ZNF37A: variants seen among roughly 807,000 people sequenced by gnomAD.
ZNF37A encodes zinc finger protein 37A, also known as zinc finger protein 37a (KOX 21).
ZNF37A carries 10 observed loss-of-function variants against 12.3 expected under a neutral mutation model. The ratio of observed to expected loss-of-function variants is 0.82; its 90% CI spans 0.50 to 1.38. ZNF37A has a LOEUF of 1.38. Among genes scored for constraint, ZNF37A ranks in the 40% most tolerant of loss-of-function variants. ZNF37A has a pLI of 0.00. For missense variants in ZNF37A, 580 were observed against 651.2 expected, an observed-to-expected ratio of 0.89 and a Z score of 1.19; for synonymous variants, 207 against 223.0, an observed-to-expected ratio of 0.93 and a Z score of 0.64.
intron 5 of ZNF37A, among the ~76,000 whole-genome samples, chr10:38,112,112 A>G (rs1175252144): frequency 6.7e-6 from 1 of 150,312 alleles, no homozygotes; most frequent in East Asian, 2.0e-4. Flanking sequence ...CTGGAAGGCC[A>G]GGATTCAAAC....
At chr10:38,115,004 A>C (rs534347533) in intron 6 of ZNF37A, 123 bp downstream of exon 6, 1 of 1,374,808 alleles carries the variant, frequency 7.3e-7, no homozygotes, top group Non-Finnish European at 9.9e-7. Flanking sequence ...GTCAAGGACA[A>C]TTTATCCCTT....
At chr10:38,100,651 T>A (rs1355271950) in intron 5 of ZNF37A, among the ~76,000 whole-genome samples, 1 of 152,240 alleles carries the variant, frequency 6.6e-6, no homozygotes, top group Non-Finnish European at 1.5e-5. Flanking sequence ...CTGTTCTTTT[T>A]TCAAGGTGCC....
chr10:38,100,491 G>A (rs1341308907), intron 5 of ZNF37A, among the ~76,000 whole-genome samples: 1 of 152,188 alleles, frequency 6.6e-6, no homozygotes, highest in Non-Finnish European at 1.5e-5. Context: ...CTTGTATTCT[G>A]TTTCCCAGGG....
In ZNF37A at chr10:38,095,577, T is replaced by C. The variant is rs2067084002; in HGVS notation, c.-158T>C. The C allele has an allele frequency of 1.3e-5, 2 of 152,182 alleles. No homozygotes were observed. Among genetic ancestry groups the C allele is most frequent in the African/African-American group, 4.8e-5 (2 of 41,438 alleles). 9.4% of individuals were successfully genotyped at this position (152,182 alleles called of 1,614,324 possible). ...GCGCACTGCAGCACAACTAGAGATG[T>C]ACGGATGCCCCCATCTTGATCTTAC... On this transcript the variant is annotated 5_prime_UTR_variant, in exon 3 of 8. Transcript: ENST00000685332.
At chr10:38,105,962 A>G (rs1309965385) in intron 5 of ZNF37A, among the ~76,000 whole-genome samples, 1 of 134,460 alleles carries the variant, frequency 7.4e-6, no homozygotes, top group Non-Finnish European at 1.6e-5. Context: ...TTTCAATTTG[A>G]ATGTCTTTTA....
chr10:38,140,270 T>A lies in ZNF37A; in HGVS notation c.239-6462T>A, dbSNP rs1590949355. ...CCAAACTAACTTTGGAAAATGGTAA[T>A]TTGACTGCATAAGGTTTACACAAAC... On this transcript the variant is annotated intron_variant, in intron 7 of 7. Transcript: ENST00000638053. 2.6e-5 allele frequency: 4 copies of A among 152,360 alleles called. 1 individual carries two copies. The highest frequency in any genetic ancestry group is 2.6e-4 in the Admixed American group (4 of 15,298). 9.4% of individuals were successfully genotyped at this position (152,360 alleles called of 1,614,324 possible).
At chr10:38,109,530 A>G (rs2068451618) in intron 5 of ZNF37A, among the ~76,000 whole-genome samples, 1 of 152,206 alleles carries the variant, frequency 6.6e-6, no homozygotes, top group African/African-American at 2.4e-5. Flanking sequence ...GTATTCAGAT[A>G]GGAAAAGAGG....
At chr10:38,143,846 C>A (rs1474823061) in intron 7 of ZNF37A, 1 of 152,280 alleles carries the variant, frequency 6.6e-6, no homozygotes, top group Non-Finnish European at 1.5e-5. Flanking sequence ...AAGAAGTCCA[C>A]AAACAGGACT....
chr10:38,112,945 T>C (rs2135991556), intron 5 of ZNF37A, among the ~76,000 whole-genome samples: 1 of 151,950 alleles, frequency 6.6e-6, no homozygotes, highest in East Asian at 1.9e-4. Context: ...GTAGCTGGGA[T>C]TACAGGTGCC....
chr10:38,112,734 TCTTTTCTTTTCTTTTC>T lies in ZNF37A; in HGVS notation c.16-2020_16-2005del, dbSNP rs1564931721. 4.7e-3 allele frequency among the ~76,000 whole-genome samples: 235 copies of T among 49,880 alleles called. 49 individuals carry two copies. The highest frequency in any genetic ancestry group is 0.014 in the East Asian group (27 of 1,876). 32.7% of individuals were successfully genotyped at this position (49,880 alleles called of 152,430 possible). On this transcript the variant is annotated intron_variant, in intron 5 of 7. Coordinates refer to ENST00000685332, the MANE Select transcript of ZNF37A (RefSeq NM_001324250.3). ...ACAATTCTGTATTTTACATCCATTT[TCTTTTCTTTTCTTTTC>T]TTTTCTTTTCTTTTCTTTTCTTTTC...
intron 5 of ZNF37A, among the ~76,000 whole-genome samples, chr10:38,099,291 C>G (rs1486045464): frequency 6.6e-6 from 1 of 152,142 alleles, no homozygotes; most frequent in Non-Finnish European, 1.5e-5. Context: ...TTTTCCCTTC[C>G]TCCTTGCCCC....
At position 38,117,811 on chromosome 10, in the gene ZNF37A, T is replaced by C; in HGVS notation, c.660T>C (p.Ser220=). The change falls in exon 8 of 8, where the codon AGT becomes AGC. Residue 220 remains serine, a synonymous_variant. Coordinates refer to ENST00000685332, the MANE Select transcript of ZNF37A (RefSeq NM_001324250.3). ...FEESILLEHQ[S]VYPFSQKLNL... The stretch of plus-strand genomic sequence containing the variant: ...AATCCATTCTCCTTGAACATCAGAG[T>C]GTTTACCCATTCAGCCAGAAGTTAA... 6.2e-7 allele frequency: 1 copy of C among 1,613,950 alleles called. No homozygotes were observed. The highest frequency in any genetic ancestry group is 8.5e-7 in the Non-Finnish European group (1 of 1,179,968).
At chr10:38,101,335 T>C (rs1157450972) in intron 5 of ZNF37A, among the ~76,000 whole-genome samples, 1 of 148,292 alleles carries the variant, frequency 6.7e-6, no homozygotes, top group Non-Finnish European at 1.5e-5. Context: ...AGGTGTTTGA[T>C]TCATTTTGAG....
intron 7 of ZNF37A, among the ~76,000 whole-genome samples, chr10:38,130,921 G>T (rs924899985): frequency 3.9e-5 from 6 of 152,112 alleles, no homozygotes; most frequent in Non-Finnish European, 5.9e-5. Context: ...GTATCTAATT[G>T]TGATTGATAT....
downstream of ZNF37A, among the ~76,000 whole-genome samples, chr10:38,130,279 C>T (rs2136075088): frequency 6.6e-6 from 1 of 152,256 alleles, no homozygotes; most frequent in African/African-American, 2.4e-5. Flanking sequence ...TTCATCTGTT[C>T]ATGGGCACAT....
chr10:38,129,303 C>CAAAAAAAAAAAAAAAAAAA (rs2069977236), downstream of ZNF37A, among the ~76,000 whole-genome samples: 1 of 40,926 alleles, frequency 2.4e-5, no homozygotes. Context: ...AAGACTCTGT[C>CAAAAAAAAAAAAAAAAAAA]TAAAAAAAAA....
intron 5 of ZNF37A, among the ~76,000 whole-genome samples, chr10:38,107,345 C>T (rs2068195523): frequency 6.6e-6 from 1 of 152,156 alleles, no homozygotes; most frequent in Non-Finnish European, 1.5e-5. Flanking sequence ...TACAAGAGTT[C>T]CTGAAGGAAG....
intron 7 of ZNF37A, among the ~76,000 whole-genome samples, chr10:38,134,941 T>C (rs570844109): frequency 3.3e-4 from 50 of 152,400 alleles, no homozygotes; most frequent in African/African-American, 1.1e-3. Flanking sequence ...CCTTTTTACA[T>C]AATTTTTTGT....
In ZNF37A at chr10:38,115,296, T is replaced by G. The variant is rs1355183853; in HGVS notation, c.238+6T>G. On this transcript the variant is annotated splice_donor_region_variant and intron_variant, in intron 7 of 7. Coordinates refer to ENST00000685332, the MANE Select transcript of ZNF37A (RefSeq NM_001324250.3). The stretch of plus-strand genomic sequence containing the variant: ...TCCAAGCCAGAGTCATCTGGGTGAG[T>G]TAGTATGTGCCAGATGGAATTTAAA... 6.2e-7 allele frequency: 1 copy of G among 1,612,544 alleles called. No homozygotes were observed. The highest frequency in any genetic ancestry group is 1.1e-5 in the South Asian group (1 of 90,884).
Sources: allele counts gnomAD v4.1 joint callset (sites outside exome capture counted in the v4.1 genomes callset), GRCh38; gene constraint gnomAD v4.1.1; transcripts MANE v1.5; gene names NCBI Gene and HGNC (gene_info 2026-07-23, HGNC 2026-07-21).